Variants in PDE3A observed in about 807,000 individuals in gnomAD.
The protein encoded by PDE3A is cGMP-inhibited 3',5'-cyclic phosphodiesterase 3A.
In PDE3A, 43 loss-of-function variants were observed where a neutral mutation model predicts 98.3. The ratio of observed to expected loss-of-function variants is 0.44; its 90% CI spans 0.34 to 0.56. The LOEUF is 0.56. Among genes scored for constraint, PDE3A ranks in the 20% least tolerant of loss-of-function variants. PDE3A has a pLI of 0.01. For missense variants in PDE3A, 1,427 were observed against 1,440.7 expected, an observed-to-expected ratio of 0.99 and a Z score of 0.15; for synonymous variants, 663 against 567.9, an observed-to-expected ratio of 1.17 and a Z score of -2.38.
intron 8 of PDE3A, among the ~76,000 whole-genome samples, chr12:20,636,212 A>G (rs910499591): frequency 6.6e-6 from 1 of 152,174 alleles, no homozygotes; most frequent in African/African-American, 2.4e-5. Flanking sequence ...TACTTTGTGT[A>G]TTTAAAAAGA....
chr12:20,376,700 A>G (rs1943577884), intron 1 of PDE3A, among the ~76,000 whole-genome samples: 1 of 151,894 alleles, frequency 6.6e-6, no homozygotes, highest in African/African-American at 2.4e-5. Flanking sequence ...TAATCTGCAG[A>G]TTGTTAAGGC....
At chr12:20,466,641 T>C (rs933581631) in intron 1 of PDE3A, among the ~76,000 whole-genome samples, 1 of 152,212 alleles carries the variant, frequency 6.6e-6, no homozygotes, top group Non-Finnish European at 1.5e-5. Context: ...CAATTTTGTC[T>C]CTGTGTGTTT....
intron 1 of PDE3A, among the ~76,000 whole-genome samples, chr12:20,510,726 G>A (rs1258990508): frequency 3.3e-5 from 5 of 152,042 alleles, no homozygotes; most frequent in African/African-American, 1.2e-4. Flanking sequence ...GAGAGTTATG[G>A]TGCAGGTAGA....
chr12:20,634,893 T>C lies in PDE3A; in HGVS notation c.1847-9T>C, dbSNP rs1366248603. 6.2e-7 allele frequency: 1 copy of C among 1,603,370 alleles called. No individual in the cohort carries two copies. Among genetic ancestry groups the C allele is most frequent in the Non-Finnish European group, 8.5e-7 (1 of 1,170,996 alleles). On this transcript the variant is annotated splice_polypyrimidine_tract_variant and intron_variant, in intron 7 of 15. Transcript: ENST00000359062. ...GATCTTGTAATAAGTTGTTCTCTTT[T>C]AATTGTAGATGACACTGCTCAAGTT...
At chr12:20,642,025 C>T (rs770884398) in intron 10 of PDE3A, among the ~76,000 whole-genome samples, 6 of 152,030 alleles carry the variant, frequency 3.9e-5, no homozygotes, top group Non-Finnish European at 5.9e-5. Flanking sequence ...ATAATCAGCA[C>T]ATACAAAAAT....
At chr12:20,560,962 G>A (rs1277970634) in intron 2 of PDE3A, among the ~76,000 whole-genome samples, 1 of 151,712 alleles carries the variant, frequency 6.6e-6, no homozygotes, top group African/African-American at 2.4e-5. Flanking sequence ...AGATGGGTAA[G>A]CTTTGAAAAG....
chr12:20,385,411 C>T (rs548967122), intron 1 of PDE3A, among the ~76,000 whole-genome samples: 2 of 152,018 alleles, frequency 1.3e-5, no homozygotes, highest in African/African-American at 4.8e-5. Flanking sequence ...ACTAGAAATA[C>T]CATTTGACCC....
intron 1 of PDE3A, among the ~76,000 whole-genome samples, chr12:20,381,945 A>G (rs558193408): frequency 6.6e-6 from 1 of 152,030 alleles, no homozygotes; most frequent in African/African-American, 2.4e-5. Context: ...ATGAATTATA[A>G]CAGTAAATGC....
At chr12:20,542,249 A>G (rs74064981) in intron 1 of PDE3A, among the ~76,000 whole-genome samples, 2,709 of 152,178 alleles carry the variant, frequency 0.018, 77 homozygotes, top group African/African-American at 0.06. Flanking sequence ...AAATTATATA[A>G]AAACCAATTC....
chr12:20,386,590 C>T (rs1392806832), intron 1 of PDE3A, among the ~76,000 whole-genome samples: 6 of 151,922 alleles, frequency 3.9e-5, no homozygotes. Flanking sequence ...ATCCACCTGC[C>T]TTGGCCTCCC....
At chr12:20,417,112 T>C (rs1944433478) in intron 1 of PDE3A, among the ~76,000 whole-genome samples, 1 of 152,194 alleles carries the variant, frequency 6.6e-6, no homozygotes, top group Admixed American at 6.5e-5. Context: ...AATGTGGACA[T>C]TGTTAGTCTA....
At chr12:20,599,290 T>C (rs990760516) in intron 2 of PDE3A, among the ~76,000 whole-genome samples, 1 of 152,042 alleles carries the variant, frequency 6.6e-6, no homozygotes, top group Non-Finnish European at 1.5e-5. Context: ...CAATCTTTCT[T>C]TCCTGTCTGT....
At chr12:20,475,403 AC>A (rs757627393) in intron 1 of PDE3A, among the ~76,000 whole-genome samples, 4 of 151,952 alleles carry the variant, frequency 2.6e-5, no homozygotes, top group Non-Finnish European at 5.9e-5. Flanking sequence ...GCTTTTTACA[AC>A]CCCTTCGCCT....
chr12:20,514,398 A>C (rs1421756381), intron 1 of PDE3A, among the ~76,000 whole-genome samples: 1 of 152,216 alleles, frequency 6.6e-6, no homozygotes, highest in Admixed American at 6.5e-5. Flanking sequence ...AAATCCATGC[A>C]TCACATGTGT....
intron 1 of PDE3A, among the ~76,000 whole-genome samples, chr12:20,385,946 A>G (rs1380269451): frequency 8.5e-5 from 11 of 129,440 alleles, no homozygotes; most frequent in Non-Finnish European, 6.2e-5. Context: ...AATACAAAGT[A>G]TTATATTAAT....
intron 14 of PDE3A, among the ~76,000 whole-genome samples, chr12:20,652,803 A>T (rs1016769315): frequency 2.0e-5 from 3 of 152,222 alleles, no homozygotes; most frequent in African/African-American, 7.2e-5. Context: ...AAGCAATGGC[A>T]ACAAAAACCA....
chr12:20,657,614 A>G (rs755602803), intron 15 of PDE3A, among the ~76,000 whole-genome samples: 1 of 152,210 alleles, frequency 6.6e-6, no homozygotes, highest in Non-Finnish European at 1.5e-5. Context: ...AATTGGAGCA[A>G]TGAAAGGCTC....
intron 1 of PDE3A, among the ~76,000 whole-genome samples, chr12:20,554,366 AAAAAAAT>A (rs1190441487): frequency 2.1e-4 from 1 of 4,726 alleles, no homozygotes; most frequent in Non-Finnish European, 0.015. Context: ...AGATAAAAAA[AAAAAAAT>A]AAAAAAAATA....
At position 20,556,541 on chromosome 12, in the gene PDE3A, A is replaced by G. The variant is rs972414080; in HGVS notation, c.961-119A>G. On this transcript the variant is annotated intron_variant, in intron 1 of 15. Transcript: ENST00000359062. ...TTAGGTATGTTAATTTATTCATGAT[A>G]GCTATTTAATATATTACTAATAAAG... 4.4e-6 allele frequency: 3 copies of G among 682,358 alleles called. No homozygotes were observed. The African/African-American group carries it at 5.5e-5, about 13-fold the overall frequency. The allele number at this position is 682,358 out of a possible 1,614,324, so 42.3% of individuals were successfully genotyped here.
Sources: gnomAD v4.1 joint callset for allele counts (sites outside exome capture counted in the v4.1 genomes callset) on GRCh38, gnomAD v4.1.1 for gene constraint, MANE v1.5 for transcripts, NCBI Gene and HGNC (gene_info 2026-07-23, HGNC 2026-07-21) for gene names.